Variants in DNMBP observed in about 807,000 individuals in gnomAD.
The protein encoded by DNMBP is dynamin binding protein.
In DNMBP, 87 loss-of-function variants were observed where a neutral mutation model predicts 150.0. That is an observed-to-expected ratio of 0.58 (90% CI 0.49 to 0.69). The LOEUF (loss-of-function observed/expected upper bound fraction) is 0.69, where lower values mean the gene tolerates loss of function less well. Among genes scored for constraint, DNMBP ranks in the 30% least tolerant of loss-of-function variants. The probability of loss-of-function intolerance (pLI) is 0.00; values close to 1 mark genes in which losing one functional copy is unlikely to be tolerated. For missense variants in DNMBP, 1,774 were observed against 1,949.0 expected (o/e 0.91, Z 1.69); for synonymous variants, 711 against 750.4 (o/e 0.95, Z 0.86).
At chr10:99,942,333 T>C (rs887916053) in intron 4 of DNMBP, among the ~76,000 whole-genome samples, 1 of 152,338 alleles carries the variant, frequency 6.6e-6, no homozygotes, top group African/African-American at 2.4e-5. Flanking sequence ...AAGGCAGAGA[T>C]TGATTGCTAC....
At chr10:100,005,786 C>CAAAAAAA (rs1589458237) in intron 1 of DNMBP, among the ~76,000 whole-genome samples, 1,653 of 100,286 alleles carry the variant, frequency 0.016, 78 homozygotes, top group African/African-American at 0.055. Flanking sequence ...AAAAAAAAAC[C>CAAAAAAA]AAACTACATA....
intron 3 of DNMBP, among the ~76,000 whole-genome samples, chr10:99,963,768 C>CT (rs2040588309): frequency 6.7e-6 from 1 of 149,302 alleles, no homozygotes; most frequent in Non-Finnish European, 1.5e-5. Flanking sequence ...TATGAGCAGT[C>CT]TGACTGCAGT....
intron 4 of DNMBP, among the ~76,000 whole-genome samples, chr10:99,916,098 A>T (rs1334238478): frequency 1.3e-5 from 2 of 152,256 alleles, no homozygotes; most frequent in Non-Finnish European, 2.9e-5. Flanking sequence ...ACTGTGAACA[A>T]TGATACATTT....
chr10:99,898,374 C>CT (rs774217478), intron 8 of DNMBP, 89 bp from the exon 9 acceptor site: 60 of 1,088,984 alleles, frequency 5.5e-5, no homozygotes, highest in Non-Finnish European at 6.3e-5. Context: ...TTAAAAAAAA[C>CT]TTTTTTTTAA....
At chr10:99,942,693 T>C (rs1183772894) in intron 4 of DNMBP, among the ~76,000 whole-genome samples, 1 of 152,194 alleles carries the variant, frequency 6.6e-6, no homozygotes, top group South Asian at 2.1e-4. Context: ...ACAGGTCAAT[T>C]ATACCTCAGT....
chr10:99,915,204 CATAT>C (rs61600172), intron 4 of DNMBP, among the ~76,000 whole-genome samples: 15 of 126,060 alleles, frequency 1.2e-4, no homozygotes, highest in Non-Finnish European at 1.2e-4. Context: ...CACACATATA[CATAT>C]ATACATACAC....
At chr10:99,932,035 A>G (rs946767655) in intron 4 of DNMBP, among the ~76,000 whole-genome samples, 1 of 152,260 alleles carries the variant, frequency 6.6e-6, no homozygotes, top group African/African-American at 2.4e-5. Context: ...TGGACCCCAG[A>G]GGATGTCAAT....
intron 7 of DNMBP, 46 bp from the exon 8 acceptor site, chr10:99,898,806 A>G (rs1404335803): frequency 1.9e-6 from 3 of 1,570,438 alleles, no homozygotes; most frequent in African/African-American, 2.7e-5. Context: ...TTTATTAGAG[A>G]GAGAATCTTG....
intron 11 of DNMBP, 59 bp from the exon 12 acceptor site, chr10:99,889,012 T>C (rs1564717663): frequency 5.0e-6 from 8 of 1,601,672 alleles, no homozygotes; most frequent in South Asian, 1.1e-5. Flanking sequence ...GCTTTTGTCA[T>C]ACATTCCAAG....
intron 1 of DNMBP, among the ~76,000 whole-genome samples, chr10:99,978,431 ATTCG>A (rs1456156509): frequency 2.0e-5 from 3 of 152,224 alleles, no homozygotes; most frequent in African/African-American, 7.2e-5. Flanking sequence ...CTATCCCTTT[ATTCG>A]TTTATCAATT....
chr10:99,987,205 C>A (rs1378926533), intron 1 of DNMBP, among the ~76,000 whole-genome samples: 2 of 148,894 alleles, frequency 1.3e-5, no homozygotes, highest in African/African-American at 5.0e-5. Context: ...ACTAACATGA[C>A]ATGTAAAGAA....
At chr10:99,884,344 T>G in intron 14 of DNMBP, 135 bp from the exon 15 acceptor site, 1 of 774,786 alleles carries the variant, frequency 1.3e-6, no homozygotes, top group African/African-American at 1.7e-5. Flanking sequence ...CATCAGATGT[T>G]TTTGTGATGA....
rs557570390 is a variant in DNMBP at position 99,879,802 on chromosome 10, C to G, written c.4548+9G>C. 1 of 1,613,122 alleles carries G rather than the reference C, an allele frequency of 6.2e-7. No individual in the cohort carries two copies. The highest frequency in any genetic ancestry group is 8.5e-7 in the Non-Finnish European group (1 of 1,179,340). On this transcript the variant is annotated intron_variant, in intron 16 of 16. Transcript: ENST00000324109. ...CTGTGCCACAGTGGCAGGCCTCTTA[C>G]GCACTCACCTGGTTGCCTTCTGCCT...
chr10:99,879,091 A>AAAAAAAAAAT lies in DNMBP; in HGVS notation c.4548+719_4548+720insATTTTTTTTT, dbSNP rs1484335202. On this transcript the variant is annotated intron_variant, in intron 16 of 16. Coordinates refer to ENST00000324109, the MANE Select transcript of DNMBP (RefSeq NM_015221.4). ...CAGAGCAAGACTCTGTCTCAAAAAAAAAAAAAAAAACCCAAAACGTTTGAG... is the reference window on the plus strand; with the variant it reads ...CAGAGCAAGACTCTGTCTCAAAAAAAAAAAAAAAATAAAAAAAAAACCCAAAACGTTTGAG... Among the ~76,000 whole-genome samples, 14 of 150,164 alleles carry AAAAAAAAAAT rather than the reference A, an allele frequency of 9.3e-5. 2 individuals carry two copies. Among genetic ancestry groups the AAAAAAAAAAT allele is most frequent in the Non-Finnish European group, 1.5e-4 (10 of 67,620 alleles).
intron 6 of DNMBP, among the ~76,000 whole-genome samples, chr10:99,901,987 C>A (rs1456381670): frequency 1.3e-5 from 2 of 151,986 alleles, no homozygotes; most frequent in African/African-American, 4.8e-5. Context: ...ACTGCACCCG[C>A]CACCTCCTGG....
intron 3 of DNMBP, 39 bp downstream of exon 3, chr10:99,969,076 T>C (rs1461192613): frequency 6.2e-7 from 1 of 1,606,570 alleles, no homozygotes; most frequent in Admixed American, 1.7e-5. Context: ...ACTCCAAAAA[T>C]CTAATTTCAA....
chr10:99,985,958 C>T (rs544265883), intron 1 of DNMBP, among the ~76,000 whole-genome samples: 14 of 152,210 alleles, frequency 9.2e-5, no homozygotes, highest in African/African-American at 3.4e-4. Context: ...ATCATGTTGG[C>T]CAGGCTGGTC....
chr10:99,886,509 G>T lies in DNMBP; in HGVS notation c.3409C>A (p.Arg1137=). 1.2e-6 allele frequency: 2 copies of T among 1,614,144 alleles called. No homozygotes were observed. Among genetic ancestry groups the T allele is most frequent in the Non-Finnish European group, 1.7e-6 (2 of 1,180,022 alleles). Residue 1137 remains arginine, a synonymous_variant, in exon 13 of 17, where the codon CGG becomes AGG. Transcript: ENST00000324109. ...KLLDFYNCTE[R]AEKLKDKKTL... ...TTCTTGTCCTTTAGCTTTTCTGCCC[G>T]TTCTGTACAGTTATAGAAGTCCAGG...
intron 16 of DNMBP, among the ~76,000 whole-genome samples, chr10:99,877,746 C>A (rs1048200257): frequency 6.6e-6 from 1 of 152,124 alleles, no homozygotes; most frequent in African/African-American, 2.4e-5. Flanking sequence ...CACTTCTAAT[C>A]CCAGCTACTC....
Sources: allele counts gnomAD v4.1 joint callset (sites outside exome capture counted in the v4.1 genomes callset), GRCh38; gene constraint gnomAD v4.1.1; transcripts MANE v1.5; gene names NCBI Gene and HGNC (gene_info 2026-07-23, HGNC 2026-07-21).